RASGRF2: variants seen among roughly 807,000 people sequenced by gnomAD.
The protein encoded by RASGRF2 is ras-specific guanine nucleotide-releasing factor 2.
Under a neutral mutation model 151.0 loss-of-function variants are expected in RASGRF2, and 76 were observed. The observed-to-expected ratio is 0.50, with a 90% CI of 0.42 to 0.61. The LOEUF (loss-of-function observed/expected upper bound fraction) is 0.61, where lower values mean the gene tolerates loss of function less well. RASGRF2 is among the 20% of genes least tolerant of loss of function. The probability of loss-of-function intolerance (pLI) is 0.00; values close to 1 mark genes in which losing one functional copy is unlikely to be tolerated. For missense variants in RASGRF2, 1,148 were observed against 1,564.6 expected (o/e 0.73, Z 4.49); for synonymous variants, 504 against 566.5 (o/e 0.89, Z 1.57).
intron 15 of RASGRF2, among the ~76,000 whole-genome samples, chr5:81,115,680 T>C (rs1235777410): frequency 1.3e-5 from 2 of 152,218 alleles, no homozygotes; most frequent in Non-Finnish European, 2.9e-5. Flanking sequence ...CACCAGTGGC[T>C]TGGAGGCTGT....
At chr5:81,047,430 A>G (rs1193252495) in intron 2 of RASGRF2, among the ~76,000 whole-genome samples, 1 of 152,244 alleles carries the variant, frequency 6.6e-6, no homozygotes, top group Non-Finnish European at 1.5e-5. Context: ...CACACCCTGC[A>G]GATGGCTTGT....
intron 1 of RASGRF2, among the ~76,000 whole-genome samples, chr5:80,980,229 G>A (rs966789639): frequency 3.3e-5 from 5 of 152,192 alleles, no homozygotes; most frequent in African/African-American, 2.4e-5. Context: ...TCCTCGGACT[G>A]ACTGTTATCC....
At chr5:81,035,440 C>A (rs2112375807) in intron 1 of RASGRF2, among the ~76,000 whole-genome samples, 1 of 151,932 alleles carries the variant, frequency 6.6e-6, no homozygotes, top group East Asian at 1.9e-4. Context: ...GGGTGGGGAG[C>A]ATTACACACC....
chr5:81,195,470 A>G (rs13186267), intron 18 of RASGRF2, among the ~76,000 whole-genome samples: 1 of 152,180 alleles, frequency 6.6e-6, no homozygotes, highest in Non-Finnish European at 1.5e-5. Context: ...CTTTTGAATG[A>G]CCAATTCTGT....
chr5:81,116,700 G>A (rs769587162), intron 15 of RASGRF2, among the ~76,000 whole-genome samples: 20 of 151,934 alleles, frequency 1.3e-4, no homozygotes, highest in Non-Finnish European at 7.4e-5. Flanking sequence ...CTTCTCCCCC[G>A]GCCCCTGGCA....
intron 9 of RASGRF2, among the ~76,000 whole-genome samples, chr5:81,088,753 G>A (rs961003153): frequency 6.6e-5 from 10 of 151,958 alleles, no homozygotes; most frequent in Middle Eastern, 3.4e-3. Context: ...GCTAAAAAAC[G>A]TAAACTTTTT....
At chr5:81,036,710 C>T (rs1750509708) in intron 1 of RASGRF2, among the ~76,000 whole-genome samples, 1 of 151,918 alleles carries the variant, frequency 6.6e-6, no homozygotes, top group Non-Finnish European at 1.5e-5. Flanking sequence ...CTAGATACTC[C>T]CATCTTGTCC....
intron 1 of RASGRF2, among the ~76,000 whole-genome samples, chr5:81,039,641 G>A (rs1293322705): frequency 6.6e-6 from 1 of 152,026 alleles, no homozygotes; most frequent in East Asian, 1.9e-4. Flanking sequence ...TTCAACTTAT[G>A]AACTATATAG....
chr5:81,178,829 C>T (rs1221402137), intron 17 of RASGRF2, among the ~76,000 whole-genome samples: 1 of 152,162 alleles, frequency 6.6e-6, no homozygotes, highest in Non-Finnish European at 1.5e-5. Context: ...AGCTCCGCCC[C>T]CCGGGTTCAC....
chr5:81,225,486 G>T (rs572668030), intron 26 of RASGRF2, among the ~76,000 whole-genome samples, 192 bp from the exon 27 acceptor site: 15 of 151,522 alleles, frequency 9.9e-5, no homozygotes, highest in African/African-American at 3.6e-4. Flanking sequence ...TGGGATTGGG[G>T]GTTGAGAGAG....
At chr5:81,073,103 C>A (rs375420238) in intron 4 of RASGRF2, 96 bp from the exon 5 acceptor site, 2 of 1,417,310 alleles carry the variant, frequency 1.4e-6, no homozygotes, top group Non-Finnish European at 1.9e-6. Context: ...ATCATGTTTT[C>A]TGCAAAATTG....
At chr5:81,018,942 A>G (rs1324156708) in intron 1 of RASGRF2, among the ~76,000 whole-genome samples, 1 of 150,860 alleles carries the variant, frequency 6.6e-6, no homozygotes, top group Non-Finnish European at 1.5e-5. Context: ...AGCTGGGACT[A>G]CAGGCGCCCA....
At chr5:81,114,817 T>G (rs1411804914) in intron 15 of RASGRF2, 1 of 152,246 alleles carries the variant, frequency 6.6e-6, no homozygotes, top group East Asian at 1.9e-4. Flanking sequence ...CTCACCTCCA[T>G]ACCCTCAGTG....
intron 22 of RASGRF2, among the ~76,000 whole-genome samples, chr5:81,209,483 A>C (rs1414712053): frequency 6.6e-6 from 1 of 152,210 alleles, no homozygotes; most frequent in Non-Finnish European, 1.5e-5. Flanking sequence ...TAAATTAATA[A>C]GTGATCTAGA....
At chr5:81,064,071 T>C (rs1202348683) in intron 2 of RASGRF2, among the ~76,000 whole-genome samples, 1 of 152,204 alleles carries the variant, frequency 6.6e-6, no homozygotes, top group Non-Finnish European at 1.5e-5. Context: ...GCTGGGTGCC[T>C]CTGCCCAAAG....
At chr5:81,051,161 T>C (rs530621957) in intron 2 of RASGRF2, among the ~76,000 whole-genome samples, 1 of 152,318 alleles carries the variant, frequency 6.6e-6, no homozygotes, top group South Asian at 2.1e-4. Flanking sequence ...ATGACAAAAA[T>C]ATATTCATCT....
intron 22 of RASGRF2, chr5:81,209,965 G>C (rs1397165331): frequency 6.6e-6 from 1 of 152,452 alleles, no homozygotes; most frequent in African/African-American, 2.4e-5. Context: ...CCTTACCACT[G>C]CCCAACATAT....
chr5:81,213,976 C>A (rs982782050), intron 23 of RASGRF2, among the ~76,000 whole-genome samples: 3 of 152,198 alleles, frequency 2.0e-5, no homozygotes, highest in Admixed American at 2.0e-4. Context: ...ACAGCAGCAT[C>A]TTGCACTACT....
intron 1 of RASGRF2, among the ~76,000 whole-genome samples, chr5:81,029,953 C>T (rs968274989): frequency 6.6e-6 from 1 of 152,120 alleles, no homozygotes; most frequent in Non-Finnish European, 1.5e-5. Context: ...TAGAGAAGAC[C>T]TTAAATGACC....
Sources: allele counts gnomAD v4.1 joint callset (sites outside exome capture counted in the v4.1 genomes callset), GRCh38; gene constraint gnomAD v4.1.1; transcripts MANE v1.5; gene names NCBI Gene and HGNC (gene_info 2026-07-23, HGNC 2026-07-21).